SDC3: variants seen among roughly 807,000 people sequenced by gnomAD.
SDC3 encodes the protein syndecan-3.
In SDC3, 13 loss-of-function variants were observed where a neutral mutation model predicts 24.4. That is an observed-to-expected ratio of 0.53 (90% CI 0.35 to 0.85). The LOEUF is 0.85. SDC3 is among the 40% of genes least tolerant of loss of function. SDC3 has a pLI of 0.01. For missense variants in SDC3, 571 were observed against 584.5 expected (o/e 0.98, Z 0.24); for synonymous variants, 295 against 260.9 (o/e 1.13, Z -1.26).
intron 1 of SDC3, among the ~76,000 whole-genome samples, chr1:30,892,419 GCCCCAGGC>G (rs758437228): frequency 1.3e-5 from 2 of 151,818 alleles, no homozygotes; most frequent in African/African-American, 2.4e-5. Flanking sequence ...ACCAGCCTTA[GCCCCAGGC>G]CCCCAGGCCC....
intron 1 of SDC3, among the ~76,000 whole-genome samples, chr1:30,893,558 C>G (rs1044128882): frequency 6.6e-6 from 1 of 152,058 alleles, no homozygotes; most frequent in Non-Finnish European, 1.5e-5. Flanking sequence ...CCATCCCACC[C>G]TAGTCTCAGG....
In SDC3 at chr1:30,872,049, T is replaced by C. The variant is rs1262645655; in HGVS notation, c.*1162A>G. The C allele has an allele frequency of 6.6e-6, 1 of 152,286 alleles. No homozygotes were observed. Among genetic ancestry groups the C allele is most frequent in the Non-Finnish European group, 1.5e-5 (1 of 68,074 alleles). The allele number at this position is 152,286 out of a possible 1,614,324, so 9.4% of individuals were successfully genotyped here. ...TCCCTCCAGCATTGAGAGCAGGTCA[T>C]GTGGAGTGAGACTGTGCATCCACAT... On this transcript the variant is annotated 3_prime_UTR_variant, in exon 5 of 5. Coordinates refer to ENST00000339394, the MANE Select transcript of SDC3 (RefSeq NM_014654.4).
Position 30,874,320 on chromosome 1 carries a change from A to C in SDC3, c.1139T>G (p.Leu380Arg). ...ACCTACGAGCACCTCCTTCCGCTCC[A>C]GGATACTCTTCTGAGGCAGCTGAGC... ...SAAQLPQKSI[L>R]ERKEVLVAVI... Residue 380 changes from leucine (L) to arginine (R), a missense_variant, in exon 4 of 5, where the codon CTG (leucine) becomes CGG (arginine). By Grantham distance (102) the Leu-to-Arg change is moderately radical. Coordinates refer to ENST00000339394, the MANE Select transcript of SDC3 (RefSeq NM_014654.4). The C allele has an allele frequency of 6.2e-7, 1 of 1,611,836 alleles. No homozygotes were observed. The highest frequency in any genetic ancestry group is 8.5e-7 in the Non-Finnish European group (1 of 1,179,200).
chr1:30,894,134 A>T (rs1462500436), intron 1 of SDC3, among the ~76,000 whole-genome samples: 1 of 151,040 alleles, frequency 6.6e-6, no homozygotes, highest in Non-Finnish European at 1.5e-5. Context: ...TGTGTGTGTG[A>T]GAGAGAGTGT....
chr1:30,874,547 C>G lies in SDC3; in HGVS notation c.912G>C (p.Glu304Asp). Residue 304 changes from glutamate to aspartate, a missense_variant, in exon 4 of 5, where the codon GAG (glutamate) becomes GAC (aspartate). Transcript: ENST00000339394. The stretch of plus-strand genomic sequence containing the variant: ...GCCCCCCACTCACCGGAACCTCTGG[C>G]TCATCCCGGATTGTGGTCAGGAAGG... ...PETFLTTIRDEPEVPVSGGPS... is the reference protein window; with the variant it reads ...PETFLTTIRDDPEVPVSGGPS... 2 of 1,614,162 alleles carry G rather than the reference C, an allele frequency of 1.2e-6. No individual in the cohort carries two copies. The highest frequency in any genetic ancestry group is 1.7e-6 in the Non-Finnish European group (2 of 1,180,016).
intron 1 of SDC3, among the ~76,000 whole-genome samples, chr1:30,880,417 T>G (rs1570000073): frequency 6.7e-5 from 10 of 148,626 alleles, no homozygotes; most frequent in East Asian, 2.0e-4. Flanking sequence ...AAGGCAAGGG[T>G]GGGAGGCAGA....
intron 1 of SDC3, among the ~76,000 whole-genome samples, chr1:30,894,288 TGA>T (rs775157886): frequency 2.5e-4 from 30 of 120,392 alleles, no homozygotes; most frequent in Admixed American, 5.1e-4. Flanking sequence ...TGTGGGGGAG[TGA>T]GAGAGTGTGT....
intron 1 of SDC3, among the ~76,000 whole-genome samples, chr1:30,902,647 G>A (rs911129695): frequency 3.3e-5 from 5 of 152,172 alleles, no homozygotes; most frequent in Non-Finnish European, 7.4e-5. Context: ...TCCTGGCTCT[G>A]GCCACCCTGT....
intron 1 of SDC3, among the ~76,000 whole-genome samples, chr1:30,891,679 C>A (rs1378201949): frequency 1.3e-5 from 2 of 151,722 alleles, no homozygotes; most frequent in East Asian, 3.9e-4. Context: ...AGTTCGAGAC[C>A]CCGTCTCTAC....
chr1:30,907,272 A>T (rs1182528521), intron 1 of SDC3, among the ~76,000 whole-genome samples: 1 of 152,108 alleles, frequency 6.6e-6, no homozygotes, highest in Non-Finnish European at 1.5e-5. Context: ...TCCAACAAGA[A>T]CTCATCTGGG....
intron 1 of SDC3, among the ~76,000 whole-genome samples, chr1:30,888,817 C>A (rs1248703998): frequency 6.6e-6 from 1 of 152,230 alleles, no homozygotes; most frequent in Non-Finnish European, 1.5e-5. Flanking sequence ...TGATCTGAGC[C>A]ACAGCAGCCT....
In SDC3 at chr1:30,878,753, G is replaced by C. The variant is rs760680041; in HGVS notation, c.139-13C>G. ...GCCAGCGCTGGGCCTAGGGAAGGTAGAGGTGGACACAGGGCTCGGCACCCG... is the reference window on the plus strand; with the variant it reads ...GCCAGCGCTGGGCCTAGGGAAGGTACAGGTGGACACAGGGCTCGGCACCCG... On this transcript the variant is annotated splice_polypyrimidine_tract_variant and intron_variant, in intron 1 of 4. Transcript: ENST00000339394. 3 of 1,611,998 alleles carry C rather than the reference G, an allele frequency of 1.9e-6. No individual in the cohort carries two copies. The highest frequency in any genetic ancestry group is 1.3e-5 in the African/African-American group (1 of 74,928).
rs150984383 is a variant in SDC3, at chr1:30,880,322, T to G, written c.139-1582A>C. Among the ~76,000 whole-genome samples, 1,056 of 125,422 alleles carry G rather than the reference T, an allele frequency of 8.4e-3. 9 individuals carry two copies. The highest frequency in any genetic ancestry group is 0.03 in the African/African-American group (997 of 32,828). 82.3% of individuals were successfully genotyped at this position (125,422 alleles called of 152,430 possible). ...AAGGGGGAGGCAGAGACAGAGACGG[T>G]GACAGAGAGTCGAGGACTGAGGGAG... On this transcript the variant is annotated intron_variant, in intron 1 of 4. Transcript: ENST00000339394.
intron 1 of SDC3, among the ~76,000 whole-genome samples, chr1:30,882,040 G>A (rs920849741): frequency 4.6e-5 from 7 of 152,156 alleles, no homozygotes; most frequent in Non-Finnish European, 7.3e-5. Context: ...TCATAGCATT[G>A]CAGGAGAAGG....
intron 1 of SDC3, among the ~76,000 whole-genome samples, chr1:30,898,290 T>C (rs1638325891): frequency 6.6e-6 from 1 of 152,166 alleles, no homozygotes; most frequent in African/African-American, 2.4e-5. Flanking sequence ...CCCCTATCAA[T>C]GTGCTGCCAT....
chr1:30,899,725 G>A (rs1638373470), intron 1 of SDC3, among the ~76,000 whole-genome samples: 1 of 152,090 alleles, frequency 6.6e-6, no homozygotes, highest in Admixed American at 6.5e-5. Flanking sequence ...GGGAGGAGGG[G>A]TAGGGCTTCC....
rs1242784769 is a variant in SDC3, at chr1:30,877,018, G to A, written c.404C>T (p.Thr135Ile). ...CAGGGGGCTGGTGGCTGGCTCCAGG[G>A]TGGGGCGCTCAGAGGGGAGCTCTTC... Reference protein sequence around the residue: ...PFEELPSERPTLEPATSPLVV... With the variant: ...PFEELPSERPILEPATSPLVV... The change falls in exon 3 of 5, where the codon ACC becomes ATC. Residue 135 changes from threonine to isoleucine, a missense_variant. Coordinates refer to ENST00000339394, the MANE Select transcript of SDC3 (RefSeq NM_014654.4). 6.8e-6 allele frequency: 11 copies of A among 1,613,772 alleles called. No homozygotes were observed. Among genetic ancestry groups the A allele is most frequent in the African/African-American group, 5.3e-5 (4 of 74,908 alleles).
intron 1 of SDC3, among the ~76,000 whole-genome samples, chr1:30,886,379 G>T (rs1259476427): frequency 6.6e-6 from 1 of 151,796 alleles, no homozygotes; most frequent in African/African-American, 2.4e-5. Context: ...ACATACGCAC[G>T]CCAACCACCT....
intron 3 of SDC3, among the ~76,000 whole-genome samples, chr1:30,875,055 C>T (rs1345241454): frequency 6.6e-6 from 1 of 152,180 alleles, no homozygotes; most frequent in Non-Finnish European, 1.5e-5. Context: ...GCCTGGAGGC[C>T]AGTCCAAGAG....
Sources: allele counts gnomAD v4.1 joint callset (sites outside exome capture counted in the v4.1 genomes callset), GRCh38; gene constraint gnomAD v4.1.1; transcripts MANE v1.5; gene names NCBI Gene and HGNC (gene_info 2026-07-23, HGNC 2026-07-21).